Variants in GPAM observed in about 807,000 individuals in gnomAD.
GPAM encodes glycerol-3-phosphate acyltransferase, mitochondrial.
Under a neutral mutation model 105.0 loss-of-function variants are expected in GPAM, and 56 were observed. The observed-to-expected ratio is 0.53, with a 90% CI of 0.43 to 0.67. The LOEUF (loss-of-function observed/expected upper bound fraction) is 0.67. GPAM is among the 30% of genes least tolerant of loss of function. The probability of loss-of-function intolerance (pLI) is 0.00; values close to 1 mark genes in which losing one functional copy is unlikely to be tolerated. For synonymous variants in GPAM, 368 were observed against 354.4 expected, an observed-to-expected ratio of 1.04 and a Z score of -0.43; for missense variants, 855 against 989.8, an observed-to-expected ratio of 0.86 and a Z score of 1.83.
the GPAM span, among the ~76,000 whole-genome samples, chr10:112,220,966 AC>A: frequency 1.3e-5 from 2 of 152,120 alleles, no homozygotes; most frequent in Non-Finnish European, 2.9e-5. Flanking sequence ...ACTGGGTTAG[AC>A]GTGATTAATG....
intron 1 of GPAM, among the ~76,000 whole-genome samples, chr10:112,211,480 C>T (rs1033700623): frequency 2.6e-5 from 4 of 152,260 alleles, no homozygotes; most frequent in Middle Eastern, 3.4e-3. Context: ...CTGGTCGAGG[C>T]GGGCTATTAA....
rs547590412 is a variant in GPAM at position 112,161,453 on chromosome 10, T to C, written c.1494+214A>G. On this transcript the variant is annotated intron_variant, in intron 15 of 21. Transcript: ENST00000348367. ...AATCAAGCAATAGCTTAGTACTATA[T>C]ATATTAAGCAGTCTGTTTTGTTTTG... Among the ~76,000 whole-genome samples, 72 of 152,336 alleles carry C rather than the reference T, an allele frequency of 4.7e-4. 1 individual carries two copies. The highest frequency in any genetic ancestry group is 1.6e-3 in the African/African-American group (67 of 41,582).
chr10:112,193,813 G>A (rs919990925), intron 1 of GPAM, among the ~76,000 whole-genome samples: 1 of 152,158 alleles, frequency 6.6e-6, no homozygotes, highest in African/African-American at 2.4e-5. Flanking sequence ...CTCATCTCAG[G>A]GCTAGGCTGC....
chr10:112,185,769 T>C (rs1847589195), upstream of GPAM, among the ~76,000 whole-genome samples: 1 of 151,854 alleles, frequency 6.6e-6, no homozygotes, highest in African/African-American at 2.4e-5. Context: ...CGAGACTCTG[T>C]CTCAAAAACA....
At position 112,153,294 on chromosome 10, in the gene GPAM, C is replaced by A. The variant is rs1846953065; in HGVS notation, c.*256G>T. The A allele has an allele frequency of 2.3e-6, 3 of 1,310,350 alleles. No individual in the cohort carries two copies. The highest frequency in any genetic ancestry group is 2.9e-6 in the Non-Finnish European group (3 of 1,024,480). 81.2% of individuals were successfully genotyped at this position (1,310,350 alleles called of 1,614,324 possible). A position where few individuals can be genotyped will look rare whatever the true frequency, so the allele number is the denominator to read the frequency against. On this transcript the variant is annotated 3_prime_UTR_variant, in exon 22 of 22. Coordinates refer to ENST00000348367, the MANE Select transcript of GPAM (RefSeq NM_001244949.2). ...ACTCAAAAATAATTTATTGAGATTT[C>A]ATCTTGTAGTCTACGGATTATGAGT...
chr10:112,175,532 A>G, intron 6 of GPAM, 68 bp downstream of exon 6: 1 of 807,666 alleles, frequency 1.2e-6, no homozygotes. Context: ...ACTAAGAATT[A>G]CTTCCCCCTC....
chr10:112,191,087 C>A (rs148159347), intron 1 of GPAM, among the ~76,000 whole-genome samples: 12 of 152,272 alleles, frequency 7.9e-5, no homozygotes, highest in Non-Finnish European at 1.8e-4. Flanking sequence ...GTGAGGAGGG[C>A]AGAGCCAATC....
intron 1 of GPAM, among the ~76,000 whole-genome samples, chr10:112,204,480 C>G (rs1405711833): frequency 6.6e-6 from 1 of 151,688 alleles, no homozygotes; most frequent in Non-Finnish European, 1.5e-5. Flanking sequence ...ATGATTTTCA[C>G]AGATCTGACT....
intron 17 of GPAM, 28 bp downstream of exon 17, chr10:112,159,883 C>T (rs966132638): frequency 6.2e-7 from 1 of 1,610,646 alleles, no homozygotes; most frequent in Non-Finnish European, 8.5e-7. Flanking sequence ...GAAAAGAGAC[C>T]AGGCAACACT....
intron 1 of GPAM, among the ~76,000 whole-genome samples, chr10:112,194,267 GAACAGCTCTAATGAC>G (rs1439392405): frequency 6.6e-6 from 1 of 152,158 alleles, no homozygotes; most frequent in Admixed American, 6.5e-5. Flanking sequence ...AAACATTTGT[GAACAGCTCTAATGAC>G]AATCGAACCA....
chr10:112,191,141 A>G (rs952575144), intron 1 of GPAM, among the ~76,000 whole-genome samples: 19 of 152,236 alleles, frequency 1.2e-4, no homozygotes, highest in African/African-American at 4.3e-4. Flanking sequence ...GAAGTTAGTT[A>G]TAACAAGACA....
At chr10:112,191,691 G>A (rs115060490) in intron 1 of GPAM, among the ~76,000 whole-genome samples, 1,711 of 152,232 alleles carry the variant, frequency 0.011, 36 homozygotes, top group African/African-American at 0.039. Context: ...GCTCAACTGG[G>A]GCTGGTATCC....
chr10:112,169,728 G>A (rs773166391), intron 9 of GPAM, among the ~76,000 whole-genome samples: 3 of 152,160 alleles, frequency 2.0e-5, no homozygotes, highest in South Asian at 2.1e-4. Flanking sequence ...ACCGGTCCCC[G>A]GCCTGTTAGG....
chr10:112,181,885 T>C, intron 2 of GPAM, 72 bp from the exon 3 acceptor site: 1 of 731,106 alleles, frequency 1.4e-6, no homozygotes, highest in Non-Finnish European at 2.5e-6. Flanking sequence ...AAATTCTGAT[T>C]TCTACATTAC....
chr10:112,152,143 T>A lies in GPAM; in HGVS notation c.*1407A>T, dbSNP rs1589573512. 3.1e-6 allele frequency: 3 copies of A among 971,634 alleles called. No individual in the cohort carries two copies. The Middle Eastern group carries it at 1.6e-3, about 516-fold the overall frequency. The allele number at this position is 971,634 out of a possible 1,614,324, so 60.2% of individuals were successfully genotyped here. On this transcript the variant is annotated 3_prime_UTR_variant, in exon 22 of 22. Coordinates refer to ENST00000348367, the MANE Select transcript of GPAM (RefSeq NM_001244949.2). The stretch of plus-strand genomic sequence containing the variant: ...GTACAAACTTAATTCTCAGTACTTT[T>A]ATACTAAATTCAAAGAATCTATGTA...
intron 1 of GPAM, among the ~76,000 whole-genome samples, chr10:112,212,389 A>C (rs1216364740): frequency 2.6e-5 from 4 of 152,038 alleles, no homozygotes; most frequent in Non-Finnish European, 5.9e-5. Context: ...CAGCCTCCCG[A>C]GTAGCTGGGA....
At chr10:112,215,653 C>CACAGCTTGAGTGTTCACATGGGGCGT (rs200428706), upstream of GPAM, among the ~76,000 whole-genome samples, 4,135 of 152,210 alleles carry the variant, frequency 0.027, 99 homozygotes, top group African/African-American at 0.067. Context: ...CGGAGGTGTC[C>CACAGCTTGAGTGTTCACATGGGGCGT]ACAGCTTGAG....
chr10:112,173,580 G>T, intron 7 of GPAM, 119 bp downstream of exon 7: 1 of 980,220 alleles, frequency 1.0e-6, no homozygotes, highest in African/African-American at 1.6e-5. Flanking sequence ...TTAATATCAG[G>T]ATTCATTAAA....
Position 112,151,818 on chromosome 10 carries a change from T to C in GPAM, c.*1732A>G, listed in dbSNP as rs1846925139. ...AGACTCCCTGGGTATCCTCCAAATG[T>C]AGCCAAGAAAAGTGTTCTTCTACCC... On this transcript the variant is annotated 3_prime_UTR_variant, in exon 22 of 22. Coordinates refer to ENST00000348367, the MANE Select transcript of GPAM (RefSeq NM_001244949.2). The C allele has an allele frequency of 1.0e-6, 1 of 984,930 alleles. No individual in the cohort carries two copies. Among genetic ancestry groups the C allele is most frequent in the Non-Finnish European group, 1.2e-6 (1 of 829,626 alleles). The allele number at this position is 984,930 out of a possible 1,614,324, so 61.0% of individuals were successfully genotyped here. A position where few individuals can be genotyped will look rare whatever the true frequency, so the allele number is the denominator to read the frequency against.
Sources: allele counts gnomAD v4.1 joint callset (sites outside exome capture counted in the v4.1 genomes callset), GRCh38; gene constraint gnomAD v4.1.1; transcripts MANE v1.5; gene names NCBI Gene and HGNC (gene_info 2026-07-23, HGNC 2026-07-21).